Variants in CACUL1 observed in about 807,000 individuals in gnomAD.
The protein encoded by CACUL1 is CDK2 associated cullin domain 1, also known as CDK2-associated and cullin domain-containing protein 1.
Under a neutral mutation model 45.2 loss-of-function variants are expected in CACUL1, and 13 were observed. That is an observed-to-expected ratio of 0.29 (90% confidence interval 0.19 to 0.46). The LOEUF (loss-of-function observed/expected upper bound fraction) is 0.46, where lower values mean the gene tolerates loss of function less well. Ranked by LOEUF, CACUL1 falls within the 20% of genes least tolerant of loss-of-function variation. The pLI, the probability that CACUL1 is intolerant of heterozygous loss-of-function variation, is 1.00. For missense variants in CACUL1, 421 were observed against 471.4 expected (o/e 0.89, Z 0.99); for synonymous variants, 197 against 174.2 (o/e 1.13, Z -1.03).
intron 1 of CACUL1, among the ~76,000 whole-genome samples, chr10:118,739,602 T>G (rs1845773307): frequency 6.6e-6 from 1 of 152,128 alleles, no homozygotes; most frequent in Non-Finnish European, 1.5e-5. Context: ...ATCCACACAC[T>G]CTCAGGAAAT....
intron 5 of CACUL1, among the ~76,000 whole-genome samples, chr10:118,695,853 C>T (rs1371678265): frequency 1.3e-5 from 2 of 152,140 alleles, no homozygotes; most frequent in Non-Finnish European, 2.9e-5. Flanking sequence ...AATAATTCCT[C>T]TAGATAAGAT....
At position 118,681,674 on chromosome 10, in the gene CACUL1, A is replaced by G. The variant is rs1404643749; in HGVS notation, c.*4454T>C. 6.6e-6 allele frequency: 1 copy of G among 152,254 alleles called. No individual in the cohort carries two copies. The highest frequency in any genetic ancestry group is 1.5e-5 in the Non-Finnish European group (1 of 68,052). 9.4% of individuals were successfully genotyped at this position (152,254 alleles called of 1,614,324 possible). A position where few individuals can be genotyped will look rare whatever the true frequency, so the allele number is the denominator to read the frequency against. On this transcript the variant is annotated 3_prime_UTR_variant, in exon 9 of 9. Coordinates refer to ENST00000369151, the MANE Select transcript of CACUL1 (RefSeq NM_153810.5). Reference sequence around the variant, plus strand: ...GATGCAATATATAGTAGGTTCCCCTATGAATGAAGCTCAAATTAGCATTTC... The same window carrying G: ...GATGCAATATATAGTAGGTTCCCCTGTGAATGAAGCTCAAATTAGCATTTC...
chr10:118,696,752 G>C (rs1035814058), intron 5 of CACUL1, among the ~76,000 whole-genome samples: 1 of 152,266 alleles, frequency 6.6e-6, no homozygotes, highest in South Asian at 2.1e-4. Context: ...CAAATGCTAA[G>C]CATTTCAGAA....
intron 3 of CACUL1, among the ~76,000 whole-genome samples, chr10:118,724,264 TA>T (rs1845630120): frequency 6.6e-6 from 1 of 152,200 alleles, no homozygotes; most frequent in Non-Finnish European, 1.5e-5. Flanking sequence ...TTTTCCAGAA[TA>T]AATAGGTGAC....
At chr10:118,740,537 G>A (rs1173609266) in intron 1 of CACUL1, among the ~76,000 whole-genome samples, 1 of 151,970 alleles carries the variant, frequency 6.6e-6, no homozygotes, top group East Asian at 1.9e-4. Flanking sequence ...TTGAACCCAG[G>A]AGGCAGAGAC....
At chr10:118,702,278 A>AC (rs1482189166) in intron 4 of CACUL1, among the ~76,000 whole-genome samples, 1 of 152,058 alleles carries the variant, frequency 6.6e-6, no homozygotes, top group East Asian at 1.9e-4. Context: ...GCCCACCTGC[A>AC]CCCAGGTGAT....
At chr10:118,753,786 A>G (rs1255253833) in intron 1 of CACUL1, among the ~76,000 whole-genome samples, 1 of 152,240 alleles carries the variant, frequency 6.6e-6, no homozygotes, top group Non-Finnish European at 1.5e-5. Flanking sequence ...TTTATGCATT[A>G]TTAGCTTCAA....
rs1845162653 is a variant in CACUL1, at chr10:118,682,448, T to G, written c.*3680A>C. On this transcript the variant is annotated 3_prime_UTR_variant, in exon 9 of 9. Transcript: ENST00000369151. ...CAGCCTCAATAATAAAAAGGCAAAA[T>G]CTGGAGGGGTTACTCGGCTTAAAAA... 4 of 152,290 alleles carry G rather than the reference T, an allele frequency of 2.6e-5. No homozygotes were observed. The highest frequency in any genetic ancestry group is 6.6e-5 in the Admixed American group (1 of 15,258). The allele number at this position is 152,290 out of a possible 1,614,324, so 9.4% of individuals were successfully genotyped here.
intron 1 of CACUL1, among the ~76,000 whole-genome samples, chr10:118,747,569 C>A (rs1845856406): frequency 7.8e-6 from 1 of 128,580 alleles, no homozygotes; most frequent in South Asian, 2.4e-4. Context: ...TTTGGGATAT[C>A]CAAAAAAAAA....
chr10:118,738,801 G>T (rs1419131775), intron 1 of CACUL1, among the ~76,000 whole-genome samples: 1 of 141,106 alleles, frequency 7.1e-6, no homozygotes, highest in Non-Finnish European at 1.5e-5. Context: ...CCAGAGAATA[G>T]AACTTGTTTA....
Position 118,681,462 on chromosome 10 carries a change from T to C in CACUL1, c.*4666A>G, listed in dbSNP as rs776705157. The C allele has an allele frequency of 1.3e-5, 2 of 152,176 alleles. No individual in the cohort carries two copies. The highest frequency in any genetic ancestry group is 2.4e-5 in the African/African-American group (1 of 41,430). The allele number at this position is 152,176 out of a possible 1,614,324, so 9.4% of individuals were successfully genotyped here. On this transcript the variant is annotated 3_prime_UTR_variant, in exon 9 of 9. Coordinates refer to ENST00000369151, the MANE Select transcript of CACUL1 (RefSeq NM_153810.5). ...CGCACTCTTCTAAGAGAATACCCAGTCTTAGTGCATTTAGTACATAGTCAC... is the reference window on the plus strand; with the variant it reads ...CGCACTCTTCTAAGAGAATACCCAGCCTTAGTGCATTTAGTACATAGTCAC...
intron 1 of CACUL1, among the ~76,000 whole-genome samples, chr10:118,752,520 T>C (rs1845908347): frequency 6.6e-6 from 1 of 152,234 alleles, no homozygotes; most frequent in Admixed American, 6.5e-5. Flanking sequence ...TAACACACTG[T>C]TGGATTTGAT....
rs1320180266 is a variant in CACUL1, at chr10:118,730,430, T to TA, written c.368-21dup. The TA allele has an allele frequency of 1.9e-6, 3 of 1,585,578 alleles. No homozygotes were observed. The South Asian group carries it at 3.4e-5, about 18-fold the overall frequency. On this transcript the variant is annotated intron_variant, in intron 1 of 8. Transcript: ENST00000369151. ...TCATTACTAAAAGTAAAAAGTAAAA[T>TA]AAATATTACTACGTGCCACATGTGG...
At chr10:118,708,944 G>A (rs1845458780) in intron 3 of CACUL1, among the ~76,000 whole-genome samples, 1 of 152,052 alleles carries the variant, frequency 6.6e-6, no homozygotes, top group African/African-American at 2.4e-5. Context: ...GAGAGTTAGG[G>A]GAGCCAACAC....
Position 118,678,412 on chromosome 10 carries a change from T to C in CACUL1, c.*7716A>G, listed in dbSNP as rs1845117860. Reference sequence around the variant, plus strand: ...GGCAGTAAGTGTTAGAATCTTGTAGTGCTAGTTCCCCTCACAATCCATTCA... The same window carrying C: ...GGCAGTAAGTGTTAGAATCTTGTAGCGCTAGTTCCCCTCACAATCCATTCA... On this transcript the variant is annotated 3_prime_UTR_variant, in exon 9 of 9. Coordinates refer to ENST00000369151, the MANE Select transcript of CACUL1 (RefSeq NM_153810.5). 2.0e-5 allele frequency: 3 copies of C among 152,212 alleles called. No homozygotes were observed. Among genetic ancestry groups the C allele is most frequent in the Admixed American group, 2.0e-4 (3 of 15,286 alleles). The allele number at this position is 152,212 out of a possible 1,614,324, so 9.4% of individuals were successfully genotyped here. A position where few individuals can be genotyped will look rare whatever the true frequency, so the allele number is the denominator to read the frequency against.
intron 7 of CACUL1, among the ~76,000 whole-genome samples, chr10:118,690,047 G>A (rs111493239): frequency 0.042 from 6,397 of 152,304 alleles, 162 homozygotes; most frequent in African/African-American, 0.049. Context: ...GCTTACACCT[G>A]TAATCCCAGC....
Position 118,678,518 on chromosome 10 carries a change from A to G in CACUL1, c.*7610T>C, listed in dbSNP as rs1022243780. ...ATTGTCAGGTTCCACAGTGAAAATC[A>G]TTGGGAATTTTTTTGGAATTGCAAT... On this transcript the variant is annotated 3_prime_UTR_variant, in exon 9 of 9. Coordinates refer to ENST00000369151, the MANE Select transcript of CACUL1 (RefSeq NM_153810.5). 1.3e-5 allele frequency: 2 copies of G among 152,294 alleles called. No homozygotes were observed. Among genetic ancestry groups the G allele is most frequent in the South Asian group, 2.1e-4 (1 of 4,826 alleles). 9.4% of individuals were successfully genotyped at this position (152,294 alleles called of 1,614,324 possible). A position where few individuals can be genotyped will look rare whatever the true frequency, so the allele number is the denominator to read the frequency against.
intron 7 of CACUL1, among the ~76,000 whole-genome samples, chr10:118,689,323 C>T (rs895498866): frequency 1.3e-5 from 2 of 152,112 alleles, no homozygotes; most frequent in Non-Finnish European, 2.9e-5. Context: ...AGAACGTCCA[C>T]TTTGGCGGAC....
intron 3 of CACUL1, among the ~76,000 whole-genome samples, chr10:118,722,903 C>A (rs1226601440): frequency 6.6e-6 from 1 of 152,126 alleles, no homozygotes; most frequent in Non-Finnish European, 1.5e-5. Flanking sequence ...TGGCAACAAC[C>A]CAACAACCCA....
Sources: gnomAD v4.1 joint callset for allele counts (sites outside exome capture counted in the v4.1 genomes callset) on GRCh38, gnomAD v4.1.1 for gene constraint, MANE v1.5 for transcripts, NCBI Gene and HGNC (gene_info 2026-07-23, HGNC 2026-07-21) for gene names.